COL21A1: variants seen among roughly 807,000 people sequenced by gnomAD.
The protein encoded by COL21A1 is collagen type XXI alpha 1 chain, also known as collagen alpha-1(XXI) chain.
COL21A1 carries 149 observed loss-of-function variants against 137.9 expected under a neutral mutation model. The ratio of observed to expected loss-of-function variants is 1.08; its 90% confidence interval spans 0.95 to 1.24. The LOEUF is 1.24. Ranked by LOEUF, COL21A1 falls within the 50% of genes most tolerant of loss-of-function variation. COL21A1 has a pLI of 0.00. For synonymous variants in COL21A1, 456 were observed against 391.5 expected, an observed-to-expected ratio of 1.16 and a Z score of -1.95; for missense variants, 1,167 against 1,158.4, an observed-to-expected ratio of 1.01 and a Z score of -0.11.
intron 1 of COL21A1, among the ~76,000 whole-genome samples, chr6:56,323,831 A>AT (rs1183877908): frequency 6.6e-6 from 1 of 152,156 alleles, no homozygotes; most frequent in Non-Finnish European, 1.5e-5. Flanking sequence ...TTTAATAATT[A>AT]TTACTATGAT....
intron 1 of COL21A1, among the ~76,000 whole-genome samples, chr6:56,188,222 G>A (rs1368893116): frequency 6.6e-6 from 1 of 152,176 alleles, no homozygotes; most frequent in Non-Finnish European, 1.5e-5. Flanking sequence ...TTAGAGAACT[G>A]TTAGGTAAAG....
At chr6:56,328,884 T>A (rs2152343196) in intron 1 of COL21A1, among the ~76,000 whole-genome samples, 1 of 152,196 alleles carries the variant, frequency 6.6e-6, no homozygotes, top group South Asian at 2.1e-4. Flanking sequence ...CATGACCACT[T>A]AACCAGCTGA....
At chr6:56,313,287 C>T (rs1285789010) in intron 1 of COL21A1, among the ~76,000 whole-genome samples, 4 of 152,120 alleles carry the variant, frequency 2.6e-5, no homozygotes, top group Non-Finnish European at 5.9e-5. Flanking sequence ...AGAGAACAGA[C>T]TAGTTGTTCT....
chr6:56,256,894 T>A (rs545664721), intron 1 of COL21A1, among the ~76,000 whole-genome samples: 65 of 152,224 alleles, frequency 4.3e-4, no homozygotes, highest in African/African-American at 1.5e-3. Context: ...TTAGAATTTA[T>A]CCATAATCAA....
At position 56,268,267 on chromosome 6, in the gene COL21A1, G is replaced by A. The variant is rs559803619; in HGVS notation, c.-38-85611C>T. ...GAATGTAAGCTATCGCCCTGCCATG[G>A]CCTCTACCCAAAGTAGCCCCACAGC... On this transcript the variant is annotated intron_variant, in intron 1 of 28. Transcript: ENST00000370819. Among the ~76,000 whole-genome samples the A allele has an allele frequency of 2.6e-5, 4 of 152,246 alleles. No individual in the cohort carries two copies. The South Asian group carries it at 8.3e-4, about 32-fold the overall frequency.
At chr6:56,320,766 C>T (rs1217105082) in intron 1 of COL21A1, among the ~76,000 whole-genome samples, 3 of 152,120 alleles carry the variant, frequency 2.0e-5, no homozygotes, top group African/African-American at 7.2e-5. Context: ...ACCCTAATAC[C>T]TTTCTAAAAT....
intron 1 of COL21A1, among the ~76,000 whole-genome samples, chr6:56,283,713 G>A (rs552204357): frequency 2.0e-5 from 3 of 152,120 alleles, no homozygotes; most frequent in South Asian, 2.1e-4. Flanking sequence ...CAAACTTCAC[G>A]AAGCTATGAG....
chr6:56,316,227 T>A (rs1176590720), intron 1 of COL21A1, among the ~76,000 whole-genome samples: 1 of 152,214 alleles, frequency 6.6e-6, no homozygotes, highest in Non-Finnish European at 1.5e-5. Flanking sequence ...ATGAAAATAA[T>A]TAAAATCTAC....
intron 16 of COL21A1, among the ~76,000 whole-genome samples, chr6:56,101,836 A>T (rs1159351046): frequency 6.6e-6 from 1 of 152,180 alleles, no homozygotes; most frequent in African/African-American, 2.4e-5. Flanking sequence ...CCAATATTCT[A>T]TATCAGTCCT....
intron 1 of COL21A1, among the ~76,000 whole-genome samples, chr6:56,224,591 G>A (rs2764060): frequency 5.3e-5 from 8 of 151,912 alleles, no homozygotes; most frequent in Non-Finnish European, 1.0e-4. Context: ...AGACATAAAC[G>A]AATTTTTTAA....
chr6:56,118,751 C>T (rs1018673436), intron 16 of COL21A1, among the ~76,000 whole-genome samples: 1 of 151,868 alleles, frequency 6.6e-6, no homozygotes, highest in Non-Finnish European at 1.5e-5. Flanking sequence ...TGGGATTCAT[C>T]GCTGGGATAA....
At chr6:56,075,369 T>C in intron 19 of COL21A1, 110 bp downstream of exon 19, 1 of 773,954 alleles carries the variant, frequency 1.3e-6, no homozygotes, top group Non-Finnish European at 2.0e-6. Flanking sequence ...ACCTCAAATA[T>C]TTTATTGCTG....
At chr6:56,351,554 C>T (rs756736314) in intron 1 of COL21A1, among the ~76,000 whole-genome samples, 9 of 152,200 alleles carry the variant, frequency 5.9e-5, no homozygotes, top group Non-Finnish European at 1.2e-4. Flanking sequence ...AATCCTAAAT[C>T]TGCATGTGAA....
chr6:56,124,373 A>C (rs1772828895), intron 14 of COL21A1, 81 bp from the exon 15 acceptor site: 2 of 1,283,238 alleles, frequency 1.6e-6, no homozygotes. Context: ...TAGAAAAGCT[A>C]CTAAGTTAAC....
In COL21A1 at chr6:56,157,398, C is replaced by G. The variant is rs138262869; in HGVS notation, c.1372-449G>C. 4.6e-3 allele frequency among the ~76,000 whole-genome samples: 687 copies of G among 150,964 alleles called. 10 individuals carry two copies. The highest frequency in any genetic ancestry group is 0.016 in the African/African-American group (659 of 41,014). Reference sequence around the variant, plus strand: ...CGATCTCGGCTCACTGCAACCTCCACCTTCTGGGTTAAAGAGATTCTCCTG... The same window carrying G: ...CGATCTCGGCTCACTGCAACCTCCAGCTTCTGGGTTAAAGAGATTCTCCTG... On this transcript the variant is annotated intron_variant, in intron 9 of 29. Transcript: ENST00000244728.
At chr6:56,124,040 T>TC in intron 16 of COL21A1, 22 bp downstream of exon 16, 1 of 213,114 alleles carries the variant, frequency 4.7e-6, no homozygotes, top group Non-Finnish European at 7.0e-6. Context: ...TGTTTTGTCC[T>TC]TTTTTTTTTT....
chr6:56,248,636 T>C (rs1489859704), upstream of COL21A1, among the ~76,000 whole-genome samples: 1 of 152,216 alleles, frequency 6.6e-6, no homozygotes, highest in East Asian at 1.9e-4. Context: ...AGGTGCTCAA[T>C]AAATATTGGC....
At chr6:56,130,342 G>A (rs1773459110) in intron 12 of COL21A1, among the ~76,000 whole-genome samples, 1 of 150,992 alleles carries the variant, frequency 6.6e-6, no homozygotes. Context: ...GAGAGAAAGA[G>A]GACTGGAGTT....
chr6:56,230,082 T>A (rs1213921062), intron 1 of COL21A1, among the ~76,000 whole-genome samples: 1 of 151,946 alleles, frequency 6.6e-6, no homozygotes, highest in Non-Finnish European at 1.5e-5. Flanking sequence ...TATACATATT[T>A]CGAATAAATA....
Sources: allele counts gnomAD v4.1 joint callset (sites outside exome capture counted in the v4.1 genomes callset), GRCh38; gene constraint gnomAD v4.1.1; transcripts MANE v1.5; gene names NCBI Gene and HGNC (gene_info 2026-07-23, HGNC 2026-07-21).